The following CRIM1 variants were observed in gnomAD, a reference collection of about 807,000 sequenced individuals.
The protein encoded by CRIM1 is cysteine-rich motor neuron 1 protein.
A neutral mutation model predicts 116.4 loss-of-function variants in CRIM1; 32 were observed. The observed-to-expected ratio is 0.27, with a 90% CI of 0.21 to 0.37. The LOEUF is 0.37. Ranked by LOEUF, CRIM1 falls within the 10% of genes least tolerant of loss-of-function variation. The probability of loss-of-function intolerance (pLI) is 1.00; values close to 1 mark genes in which losing one functional copy is unlikely to be tolerated. For synonymous variants in CRIM1, 590 were observed against 509.2 expected (o/e 1.16, Z -2.13); for missense variants, 1,331 against 1,354.8 (o/e 0.98, Z 0.28).
chr2:36,365,336 T>C (rs1669519037), intron 1 of CRIM1, among the ~76,000 whole-genome samples: 1 of 152,272 alleles, frequency 6.6e-6, no homozygotes, highest in Admixed American at 6.5e-5. Flanking sequence ...TTCCTTTTAT[T>C]GTTAGAACTT....
At chr2:36,535,137 G>A (rs1666447056) in intron 13 of CRIM1, among the ~76,000 whole-genome samples, 1 of 138,614 alleles carries the variant, frequency 7.2e-6, no homozygotes, top group African/African-American at 2.7e-5. Flanking sequence ...GGGAGGGAAG[G>A]GGAAGGAAGG....
intron 1 of CRIM1, among the ~76,000 whole-genome samples, chr2:36,391,379 C>T (rs1256367162): frequency 2.0e-5 from 3 of 150,064 alleles, no homozygotes; most frequent in African/African-American, 4.9e-5. Flanking sequence ...CCGCCCATCT[C>T]GGCTTCCCAA....
chr2:36,410,784 C>T (rs924028636), intron 2 of CRIM1, among the ~76,000 whole-genome samples: 2 of 151,348 alleles, frequency 1.3e-5, no homozygotes, highest in East Asian at 3.9e-4. Context: ...TTATAAATAT[C>T]AGAGTTGTGG....
chr2:36,448,487 T>G (rs1007872418), intron 4 of CRIM1, among the ~76,000 whole-genome samples: 1 of 152,226 alleles, frequency 6.6e-6, no homozygotes, highest in Non-Finnish European at 1.5e-5. Flanking sequence ...TCACTTTGCC[T>G]CCGTAATTTT....
chr2:36,523,563 T>G (rs932266133), intron 13 of CRIM1, among the ~76,000 whole-genome samples: 1 of 152,230 alleles, frequency 6.6e-6, no homozygotes, highest in African/African-American at 2.4e-5. Flanking sequence ...TTTTAACGCT[T>G]TTGTGTCCAG....
chr2:36,524,900 G>A (rs1443404955), intron 13 of CRIM1, among the ~76,000 whole-genome samples: 3 of 152,076 alleles, frequency 2.0e-5, no homozygotes, highest in African/African-American at 7.2e-5. Flanking sequence ...AAAAGGACCA[G>A]TTTGGCTCAA....
intron 2 of CRIM1, among the ~76,000 whole-genome samples, chr2:36,413,698 T>C (rs1250637666): frequency 6.6e-6 from 1 of 152,220 alleles, no homozygotes; most frequent in African/African-American, 2.4e-5. Flanking sequence ...CTCATTGGCT[T>C]AGTCACCGTG....
At chr2:36,376,102 C>G (rs1670298332) in intron 1 of CRIM1, among the ~76,000 whole-genome samples, 1 of 152,202 alleles carries the variant, frequency 6.6e-6, no homozygotes, top group Non-Finnish European at 1.5e-5. Flanking sequence ...CTTCCCTAAG[C>G]TTAACCCCAA....
chr2:36,412,506 C>G (rs942828498), intron 2 of CRIM1, among the ~76,000 whole-genome samples: 2 of 152,130 alleles, frequency 1.3e-5, no homozygotes, highest in African/African-American at 4.8e-5. Flanking sequence ...AGTTCTGTCA[C>G]TGTTCAGTTC....
intron 4 of CRIM1, among the ~76,000 whole-genome samples, chr2:36,450,115 C>G (rs781091748): frequency 3.3e-5 from 5 of 152,086 alleles, no homozygotes; most frequent in Admixed American, 6.5e-5. Flanking sequence ...CAAAGGCTGA[C>G]TCCGCAAGAT....
rs1667524926 is a variant in CRIM1, at chr2:36,548,607, T to G, written c.3017T>G (p.Leu1006Arg). 2 of 1,612,946 alleles carry G rather than the reference T, an allele frequency of 1.2e-6. No individual in the cohort carries two copies. The highest frequency in any genetic ancestry group is 2.2e-5 in the East Asian group (1 of 44,844). The change falls in exon 17 of 17, where the codon CTA (leucine) becomes CGA (arginine). Residue 1006 changes from leucine to arginine, a missense_variant. Leu to Arg is a moderately radical substitution (Grantham distance 102). This residue lies in a region of CRIM1 where 283 missense variants were observed against 242.8 expected (regional missense o/e 1.17). Coordinates refer to ENST00000280527, the MANE Select transcript of CRIM1 (RefSeq NM_016441.3). The part of the protein sequence containing the change: ...RVQVDSSQRM[L>R]RIAEPDARFS... ...CAGGTGGACAGTTCCCAGAGAATGC[T>G]AAGAATTGCAGAACCAGATGCAAGA... is the stretch of plus-strand genomic sequence containing the variant.
chr2:36,365,044 G>A (rs1310203674), intron 1 of CRIM1, among the ~76,000 whole-genome samples: 5 of 152,032 alleles, frequency 3.3e-5, no homozygotes, highest in African/African-American at 1.2e-4. Flanking sequence ...TGGGAGTTTC[G>A]AGGGGGAATT....
intron 4 of CRIM1, among the ~76,000 whole-genome samples, chr2:36,463,815 G>A (rs768669048): frequency 2.0e-5 from 3 of 152,206 alleles, no homozygotes; most frequent in Non-Finnish European, 2.9e-5. Context: ...ATTCATGCGT[G>A]CAGAGAGATC....
At chr2:36,399,566 AC>A (rs1488006257) in intron 2 of CRIM1, among the ~76,000 whole-genome samples, 4 of 152,328 alleles carry the variant, frequency 2.6e-5, no homozygotes, top group South Asian at 2.1e-4. Context: ...AAGTAGGAAG[AC>A]TTTTGAGGAG....
At chr2:36,464,512 C>T (rs369123542) in intron 4 of CRIM1, 22 bp from the exon 5 acceptor site, 1 of 1,613,626 alleles carries the variant, frequency 6.2e-7, no homozygotes. Flanking sequence ...TGGGGTTTTC[C>T]TTCCCTTTTC....
Position 36,517,417 on chromosome 2 carries a change from A to G in CRIM1, c.2081A>G (p.Asn694Ser). 6.2e-7 allele frequency: 1 copy of G among 1,614,222 alleles called. No homozygotes were observed. The highest frequency in any genetic ancestry group is 8.5e-7 in the Non-Finnish European group (1 of 1,180,008). ...GEYFVEGETW[N>S]IDSCTQCTCH... Reference sequence around the variant, plus strand: ...TACTTTGTGGAAGGAGAAACGTGGAACATTGACTCCTGTACTCAGTGCACC... The same window carrying G: ...TACTTTGTGGAAGGAGAAACGTGGAGCATTGACTCCTGTACTCAGTGCACC... Residue 694 changes from asparagine to serine, a missense_variant, in exon 12 of 17, where the codon AAC (asparagine) becomes AGC (serine). Coordinates refer to ENST00000280527, the MANE Select transcript of CRIM1 (RefSeq NM_016441.3).
chr2:36,415,743 T>C (rs1673564865), intron 2 of CRIM1, among the ~76,000 whole-genome samples: 1 of 152,208 alleles, frequency 6.6e-6, no homozygotes, highest in Non-Finnish European at 1.5e-5. Context: ...TCATTCTTCC[T>C]CCATCCCCTA....
At position 36,356,423 on chromosome 2, in the gene CRIM1, A is replaced by G. The variant is rs1335125341; in HGVS notation, c.131A>G (p.Lys44Arg). 3.1e-6 allele frequency: 5 copies of G among 1,610,828 alleles called. No homozygotes were observed. Among genetic ancestry groups the G allele is most frequent in the Non-Finnish European group, 4.2e-6 (5 of 1,179,512 alleles). The change falls in exon 1 of 17, where the codon AAG (lysine) becomes AGG (arginine). Residue 44 changes from lysine (K) to arginine (R), a missense_variant. Transcript: ENST00000280527. This position sits in a 1 kb window ranked among gnomAD's most constrained non-coding sequence, Gnocchi z 4.3. ...ALVCLPCDES[K>R]CEEPRNCPGS... ...GTCTGCCTGCCCTGTGACGAGTCCA[A>G]GTGCGAGGAGCCCAGGAACTGCCCG... is the stretch of plus-strand genomic sequence containing the variant.
chr2:36,492,888 A>G (rs910633388), intron 7 of CRIM1, among the ~76,000 whole-genome samples: 11 of 152,218 alleles, frequency 7.2e-5, no homozygotes, highest in African/African-American at 2.7e-4. Flanking sequence ...CTACCTTAAG[A>G]AAGAGCGCCT....
Sources: allele counts gnomAD v4.1 joint callset (sites outside exome capture counted in the v4.1 genomes callset), GRCh38; gene constraint gnomAD v4.1.1; regional missense constraint gnomAD v4.1.1; non-coding constraint Gnocchi (gnomAD v3.1); transcripts MANE v1.5; gene names NCBI Gene and HGNC (gene_info 2026-07-23, HGNC 2026-07-21).